The following ACACB variants were observed in gnomAD, a reference collection of about 807,000 sequenced individuals.
The protein encoded by ACACB is acetyl-CoA carboxylase 2.
ACACB carries 209 observed loss-of-function variants against 278.8 expected under a neutral mutation model. The observed-to-expected ratio is 0.75, with a 90% CI of 0.67 to 0.84. The LOEUF (loss-of-function observed/expected upper bound fraction) is 0.84, where lower values mean the gene tolerates loss of function less well. Ranked by LOEUF, ACACB falls within the 40% of genes least tolerant of loss-of-function variation. The probability of loss-of-function intolerance (pLI) is 0.00; values close to 1 mark genes in which losing one functional copy is unlikely to be tolerated. For missense variants in ACACB, 2,850 were observed against 3,269.0 expected, an observed-to-expected ratio of 0.87 and a Z score of 3.13; for synonymous variants, 1,174 against 1,285.6, an observed-to-expected ratio of 0.91 and a Z score of 1.86.
chr12:109,209,487 G>A (rs564524146), intron 21 of ACACB, 134 bp downstream of exon 21: 9 of 891,140 alleles, frequency 1.0e-5, no homozygotes, highest in East Asian at 2.7e-5. Flanking sequence ...ATCAGGGGCC[G>A]AGGGTTTCCT....
chr12:109,211,188 A>G (rs1443746562), intron 21 of ACACB, among the ~76,000 whole-genome samples: 2 of 151,816 alleles, frequency 1.3e-5, no homozygotes, highest in Non-Finnish European at 2.9e-5. Context: ...AGGACAGTGT[A>G]GTTCAGGCCA....
Position 109,144,750 on chromosome 12 carries a change from C to CTTTTTTTTT in ACACB, c.653+4695_653+4696insTTTTTTTTT, listed in dbSNP as rs770963307. On this transcript the variant is annotated intron_variant, in intron 2 of 52. Coordinates refer to ENST00000338432, the MANE Select transcript of ACACB (RefSeq NM_001093.4). ...TCTTTCTTTTTCTTTTTCTTTCTTT[C>CTTTTTTTTT]TTTCTTTTTTTTTTTTTTTTTTGAG... 5.6e-3 allele frequency among the ~76,000 whole-genome samples: 484 copies of CTTTTTTTTT among 86,742 alleles called. 16 individuals carry two copies. The highest frequency in any genetic ancestry group is 7.7e-3 in the Non-Finnish European group (361 of 46,690). 56.9% of individuals were successfully genotyped at this position (86,742 alleles called of 152,430 possible). A position where few individuals can be genotyped will look rare whatever the true frequency, so the allele number is the denominator to read the frequency against.
At chr12:109,135,257 C>T (rs1379132763) in intron 1 of ACACB, among the ~76,000 whole-genome samples, 2 of 152,092 alleles carry the variant, frequency 1.3e-5, no homozygotes, top group Admixed American at 6.5e-5. Context: ...ATATGATTTG[C>T]ATTTTCCTGA....
chr12:109,202,074 GA>G (rs1230512114), intron 19 of ACACB, among the ~76,000 whole-genome samples: 21 of 152,198 alleles, frequency 1.4e-4, no homozygotes, highest in African/African-American at 5.1e-4. Flanking sequence ...TGCTGTGAAG[GA>G]CCTACCCCAG....
intron 1 of ACACB, among the ~76,000 whole-genome samples, chr12:109,117,312 A>G (rs2042428367): frequency 6.7e-6 from 1 of 149,824 alleles, no homozygotes; most frequent in Non-Finnish European, 1.5e-5. Context: ...GTGAGCTAAA[A>G]TTGCGCCACT....
At chr12:109,142,542 A>T (rs1330395255) in intron 2 of ACACB, among the ~76,000 whole-genome samples, 1 of 151,656 alleles carries the variant, frequency 6.6e-6, no homozygotes, top group Non-Finnish European at 1.5e-5. Flanking sequence ...AAAGGCGAAA[A>T]CTATCTCTCT....
intron 11 of ACACB, among the ~76,000 whole-genome samples, chr12:109,184,751 G>A (rs2136242595): frequency 6.7e-6 from 1 of 149,104 alleles, no homozygotes; most frequent in African/African-American, 2.5e-5. Flanking sequence ...CTGTCACTCA[G>A]GCTGGAATGC....
chr12:109,129,903 C>T lies in ACACB; in HGVS notation c.-9-9494C>T, dbSNP rs563026734. 2.2e-4 allele frequency among the ~76,000 whole-genome samples: 33 copies of T among 152,338 alleles called. 1 individual carries two copies. In the South Asian group the frequency reaches 6.6e-3, roughly 31 times the overall value. On this transcript the variant is annotated intron_variant, in intron 1 of 52. Transcript: ENST00000338432. ...ATGCTCACAGCAGAAGCCGCCATCA[C>T]TATCACCTGCCTGGTTCTTTCTGTT...
intron 21 of ACACB, among the ~76,000 whole-genome samples, 170 bp downstream of exon 21, chr12:109,209,523 T>C (rs2045619986): frequency 6.6e-6 from 1 of 152,092 alleles, no homozygotes; most frequent in African/African-American, 2.4e-5. Context: ...CAGAATCCTA[T>C]CATTTACTCA....
At chr12:109,237,781 G>A (rs549591995) in intron 34 of ACACB, among the ~76,000 whole-genome samples, 30 of 152,214 alleles carry the variant, frequency 2.0e-4, no homozygotes, top group South Asian at 4.1e-4. Flanking sequence ...GGAGGCTGAG[G>A]TGGGCGGATC....
chr12:109,227,321 C>G, intron 27 of ACACB, 50 bp from the exon 28 acceptor site: 2 of 1,528,080 alleles, frequency 1.3e-6, no homozygotes. Context: ...CTTTTGAGCA[C>G]ACTCTGCAGT....
intron 4 of ACACB, 97 bp from the exon 5 acceptor site, chr12:109,171,708 T>C: frequency 1.1e-6 from 1 of 908,488 alleles, no homozygotes; most frequent in South Asian, 1.5e-5. Flanking sequence ...TGCATGGTTC[T>C]GCTTTCCATG....
chr12:109,193,915 G>C (rs1026570685), intron 16 of ACACB, among the ~76,000 whole-genome samples, 186 bp downstream of exon 16: 1 of 152,230 alleles, frequency 6.6e-6, no homozygotes, highest in Non-Finnish European at 1.5e-5. Flanking sequence ...AACATGTAGG[G>C]CTGTGCATTC....
chr12:109,162,626 A>G (rs1365316269), intron 2 of ACACB, among the ~76,000 whole-genome samples: 1 of 152,176 alleles, frequency 6.6e-6, no homozygotes, highest in Non-Finnish European at 1.5e-5. Flanking sequence ...CCTGTATCCC[A>G]AATAGGAAGA....
chr12:109,219,916 A>G (rs537220783), intron 24 of ACACB, among the ~76,000 whole-genome samples: 1 of 152,340 alleles, frequency 6.6e-6, no homozygotes, highest in African/African-American at 2.4e-5. Flanking sequence ...GAGTTCTATT[A>G]CTAAAATAAT....
intron 48 of ACACB, 111 bp from the exon 49 acceptor site, chr12:109,262,246 C>T: frequency 1.3e-6 from 1 of 780,874 alleles, no homozygotes; most frequent in East Asian, 2.6e-5. Context: ...GAGCTGAGGA[C>T]TGACACCCAG....
Position 109,235,272 on chromosome 12 carries a change from G to A in ACACB, c.4348-41G>A, listed in dbSNP as rs55995600. On this transcript the variant is annotated intron_variant, in intron 31 of 52. Transcript: ENST00000338432. ...GCAGCAATACTTCAGTTCCTTTTACGGCCAAATAATATTCCATTGTGTCTT... is the reference window on the plus strand; with the variant it reads ...GCAGCAATACTTCAGTTCCTTTTACAGCCAAATAATATTCCATTGTGTCTT... 0.014 allele frequency: 21,658 copies of A among 1,570,778 alleles called. 193 individuals are homozygous for A. The highest frequency in any genetic ancestry group is 0.016 in the Non-Finnish European group (18,446 of 1,141,068).
At chr12:109,232,063 T>C (rs2046489053) in intron 28 of ACACB, among the ~76,000 whole-genome samples, 1 of 152,180 alleles carries the variant, frequency 6.6e-6, no homozygotes, top group Non-Finnish European at 1.5e-5. Flanking sequence ...AGAAGAGCAG[T>C]GTGGGGCCTG....
intron 1 of ACACB, among the ~76,000 whole-genome samples, chr12:109,130,687 C>T (rs1164204917): frequency 6.6e-6 from 1 of 152,180 alleles, no homozygotes; most frequent in African/African-American, 2.4e-5. Flanking sequence ...TGAAGGTGTC[C>T]ACCAGTCAGC....
Sources: allele counts gnomAD v4.1 joint callset (sites outside exome capture counted in the v4.1 genomes callset), GRCh38; gene constraint gnomAD v4.1.1; transcripts MANE v1.5; gene names NCBI Gene and HGNC (gene_info 2026-07-23, HGNC 2026-07-21).